Variants in PTPRM observed in about 807,000 individuals in gnomAD.
The protein encoded by PTPRM is protein tyrosine phosphatase receptor type M.
In PTPRM, 47 loss-of-function variants were observed where a neutral mutation model predicts 186.7. That is an observed-to-expected ratio of 0.25 (90% CI 0.20 to 0.32). PTPRM has a LOEUF of 0.32. PTPRM is among the 10% of genes least tolerant of loss of function. The pLI is 1.00. For missense variants in PTPRM, 1,494 were observed against 1,865.0 expected (o/e 0.80, Z 3.66); for synonymous variants, 668 against 674.9 (o/e 0.99, Z 0.16).
At chr18:7,569,193 G>A (rs1305006951) in intron 1 of PTPRM, among the ~76,000 whole-genome samples, 3 of 152,104 alleles carry the variant, frequency 2.0e-5, no homozygotes, top group Admixed American at 6.5e-5. Flanking sequence ...TTTTCTTGGG[G>A]TCCAGGACCA....
chr18:7,928,803 G>A (rs1459971144), intron 5 of PTPRM, among the ~76,000 whole-genome samples: 3 of 152,064 alleles, frequency 2.0e-5, no homozygotes, highest in African/African-American at 7.2e-5. Context: ...TTTTATTTTT[G>A]CAAACGTCCT....
At chr18:7,835,635 A>G (rs1161190918) in intron 2 of PTPRM, among the ~76,000 whole-genome samples, 1 of 151,936 alleles carries the variant, frequency 6.6e-6, no homozygotes, top group Non-Finnish European at 1.5e-5. Flanking sequence ...TTCTTTGTTG[A>G]TTTTCTGTCA....
At position 8,292,219 on chromosome 18, in the gene PTPRM, G is replaced by A. The variant is rs191291296; in HGVS notation, c.2755-4149G>A. Among the ~76,000 whole-genome samples the A allele has an allele frequency of 8.5e-5, 13 of 152,154 alleles. No homozygotes were observed. In the East Asian group the frequency reaches 2.5e-3, roughly 29 times the overall value. On this transcript the variant is annotated intron_variant, in intron 19 of 32. Coordinates refer to ENST00000580170, the MANE Select transcript of PTPRM (RefSeq NM_001105244.2). ...TTTTGTCTCACTTTAGGCATAAGAG[G>A]GAGTCTAAAGTAAATATTTTCTCAG... is the stretch of plus-strand genomic sequence containing the variant.
chr18:8,113,933 C>A (rs2145716396), intron 12 of PTPRM, among the ~76,000 whole-genome samples, 174 bp downstream of exon 12: 1 of 144,120 alleles, frequency 6.9e-6, no homozygotes, highest in Non-Finnish European at 1.5e-5. Flanking sequence ...TGGAAAGAAA[C>A]AAATATACTC....
At chr18:7,669,468 G>C (rs542364558) in intron 1 of PTPRM, among the ~76,000 whole-genome samples, 1 of 152,276 alleles carries the variant, frequency 6.6e-6, no homozygotes, top group African/African-American at 2.4e-5. Context: ...GAGCAGCATT[G>C]ATTGCCATAG....
intron 14 of PTPRM, among the ~76,000 whole-genome samples, chr18:8,243,129 A>G (rs373344731): frequency 6.6e-6 from 1 of 152,094 alleles, no homozygotes; most frequent in Admixed American, 6.5e-5. Flanking sequence ...TTACCTGTTT[A>G]TTTATGTTAG....
chr18:8,090,081 G>A (rs765671716), intron 11 of PTPRM, among the ~76,000 whole-genome samples: 6 of 152,050 alleles, frequency 3.9e-5, no homozygotes, highest in Admixed American at 6.6e-5. Flanking sequence ...GCTACCTTTC[G>A]AGTGATGTGC....
At chr18:7,756,502 T>C (rs1028810575) in intron 1 of PTPRM, among the ~76,000 whole-genome samples, 4 of 152,196 alleles carry the variant, frequency 2.6e-5, no homozygotes, top group African/African-American at 9.7e-5. Flanking sequence ...AAATCTTTAC[T>C]TAATAAGTCT....
intron 14 of PTPRM, among the ~76,000 whole-genome samples, chr18:8,144,181 A>G (rs962476760): frequency 1.9e-4 from 29 of 152,190 alleles, no homozygotes; most frequent in African/African-American, 6.5e-4. Flanking sequence ...ATGATGACAG[A>G]TTTTATGGGG....
chr18:7,772,355 CTTTCTT>C (rs762731658), intron 1 of PTPRM, among the ~76,000 whole-genome samples: 11 of 27,360 alleles, frequency 4.0e-4, no homozygotes, highest in East Asian at 3.5e-3. Context: ...CTTTCTCTTT[CTTTCTT>C]TCTTTCTTTC....
intron 7 of PTPRM, among the ~76,000 whole-genome samples, chr18:8,031,176 AC>A (rs2085943685): frequency 6.6e-6 from 1 of 152,242 alleles, no homozygotes; most frequent in Non-Finnish European, 1.5e-5. Context: ...TTTAGTTAGC[AC>A]ATGCTAATCA....
At chr18:8,135,452 T>C (rs2145994592) in intron 13 of PTPRM, among the ~76,000 whole-genome samples, 1 of 152,216 alleles carries the variant, frequency 6.6e-6, no homozygotes, top group East Asian at 1.9e-4. Context: ...CCAAAAGTGT[T>C]ACATAGATTC....
In PTPRM at chr18:8,103,459, G is replaced by A. The variant is rs117969257; in HGVS notation, c.1857-10027G>A. 5.0e-3 allele frequency among the ~76,000 whole-genome samples: 759 copies of A among 152,280 alleles called. 16 individuals are homozygous for A. Among genetic ancestry groups the A allele is most frequent in the Admixed American group, 0.037 (569 of 15,298 alleles). Reference sequence around the variant, plus strand: ...CTTTGTACTTTTATGTTATGAAGATGGCTACTTTTCTTAAACCTCATGAAC... The same window carrying A: ...CTTTGTACTTTTATGTTATGAAGATAGCTACTTTTCTTAAACCTCATGAAC... On this transcript the variant is annotated intron_variant, in intron 11 of 32. Transcript: ENST00000580170.
In PTPRM at chr18:7,984,602, T is replaced by TATATATATATACACACAC. The variant is rs1214502563; in HGVS notation, c.1132+29189_1132+29190insTATATATATACACACACA. ...ATATATATATATATATATATATATATACACACACACACACACACACACACA... is the reference window on the plus strand; with the variant it reads ...ATATATATATATATATATATATATATATATATATATACACACACACACACACACACACACACACACACA... On this transcript the variant is annotated intron_variant, in intron 7 of 32. Transcript: ENST00000580170. 1.5e-3 allele frequency among the ~76,000 whole-genome samples: 131 copies of TATATATATATACACACAC among 87,164 alleles called. 1 individual carries two copies. The highest frequency in any genetic ancestry group is 3.3e-3 in the Admixed American group (23 of 7,044). The allele number at this position is 87,164 out of a possible 152,430, so 57.2% of individuals were successfully genotyped here.
chr18:7,570,758 C>T (rs2036546874), intron 1 of PTPRM, among the ~76,000 whole-genome samples: 1 of 152,076 alleles, frequency 6.6e-6, no homozygotes, highest in South Asian at 2.1e-4. Context: ...GCTCTCCTGT[C>T]CTCTTTTGGA....
chr18:8,002,258 A>G (rs991106975), intron 7 of PTPRM, among the ~76,000 whole-genome samples: 3 of 152,166 alleles, frequency 2.0e-5, no homozygotes, highest in Non-Finnish European at 4.4e-5. Context: ...GTTTCTAAAA[A>G]CCTTGATAAC....
At chr18:7,689,656 G>A (rs2039690741) in intron 1 of PTPRM, among the ~76,000 whole-genome samples, 1 of 152,080 alleles carries the variant, frequency 6.6e-6, no homozygotes, top group African/African-American at 2.4e-5. Flanking sequence ...CAGGATGAAT[G>A]GGAACTTGAA....
chr18:7,606,927 G>T (rs1458058105), intron 1 of PTPRM, among the ~76,000 whole-genome samples: 2 of 151,988 alleles, frequency 1.3e-5, no homozygotes, highest in Non-Finnish European at 2.9e-5. Context: ...ACCTTGTTTT[G>T]GTGGAAACTG....
intron 1 of PTPRM, among the ~76,000 whole-genome samples, chr18:7,767,828 C>T (rs902244548): frequency 3.1e-4 from 47 of 152,126 alleles, no homozygotes; most frequent in Non-Finnish European, 1.3e-4. Context: ...TGAACAAGTT[C>T]GTTGATTTTG....
Sources: allele counts gnomAD v4.1 joint callset (sites outside exome capture counted in the v4.1 genomes callset), GRCh38; gene constraint gnomAD v4.1.1; transcripts MANE v1.5; gene names NCBI Gene and HGNC (gene_info 2026-07-23, HGNC 2026-07-21).